The following NALCN variants were observed in gnomAD, a reference collection of about 807,000 sequenced individuals.
The protein encoded by NALCN is sodium leak channel NALCN.
Under a neutral mutation model 225.3 loss-of-function variants are expected in NALCN, and 111 were observed. The ratio of observed to expected loss-of-function variants is 0.49; its 90% CI spans 0.42 to 0.58. The LOEUF (loss-of-function observed/expected upper bound fraction) is 0.58, where lower values mean the gene tolerates loss of function less well. NALCN is among the 20% of genes least tolerant of loss of function. The pLI is 0.00. For missense variants in NALCN, 1,378 were observed against 2,202.4 expected, an observed-to-expected ratio of 0.63 and a Z score of 7.49; for synonymous variants, 764 against 769.0, an observed-to-expected ratio of 0.99 and a Z score of 0.11.
chr13:101,238,368 T>C (rs993040379), intron 11 of NALCN, among the ~76,000 whole-genome samples: 1 of 151,918 alleles, frequency 6.6e-6, no homozygotes, highest in Non-Finnish European at 1.5e-5. Context: ...TATCATTTAT[T>C]CCTTTATGCT....
intron 26 of NALCN, 34 bp downstream of exon 26, chr13:101,103,138 T>C (rs1209713355): frequency 1.9e-6 from 3 of 1,604,682 alleles, no homozygotes; most frequent in South Asian, 2.2e-5. Flanking sequence ...GGTGGACTAC[T>C]GTGAACTGGA....
intron 9 of NALCN, among the ~76,000 whole-genome samples, chr13:101,287,423 T>C (rs2043379584): frequency 6.6e-6 from 1 of 152,184 alleles, no homozygotes; most frequent in Non-Finnish European, 1.5e-5. Flanking sequence ...CTGAGCAACC[T>C]GGTTTTGAGT....
chr13:101,104,188 G>C lies in NALCN; in HGVS notation c.2889+107C>G. ...TAGAGTCCATTTAAGAATTCGGTTA[G>C]GGAATCTAAGCCTCTGTAACTCATA... On this transcript the variant is annotated intron_variant, in intron 25 of 43. Coordinates refer to ENST00000251127, the MANE Select transcript of NALCN (RefSeq NM_052867.4). The surrounding 1 kb of genome is among the most constrained non-coding windows in gnomAD (Gnocchi z 4.2). 1 of 1,351,096 alleles carries C rather than the reference G, an allele frequency of 7.4e-7. No homozygotes were observed. Among genetic ancestry groups the C allele is most frequent in the Non-Finnish European group, 1.0e-6 (1 of 998,236 alleles). The allele number at this position is 1,351,096 out of a possible 1,614,324, so 83.7% of individuals were successfully genotyped here.
chr13:101,391,722 C>T (rs1594776468), intron 3 of NALCN, among the ~76,000 whole-genome samples: 1 of 151,418 alleles, frequency 6.6e-6, no homozygotes, highest in South Asian at 2.1e-4. Flanking sequence ...CAGTGGCTCA[C>T]GCCTGTAATC....
intron 1 of NALCN, among the ~76,000 whole-genome samples, chr13:101,408,491 C>G (rs1032910487): frequency 6.6e-6 from 1 of 152,166 alleles, no homozygotes; most frequent in African/African-American, 2.4e-5. Flanking sequence ...ACTAAGACAG[C>G]ATCAAAAAAC....
At chr13:101,346,087 C>CTCTCTCTCTCTCTATATATATATA in intron 6 of NALCN, among the ~76,000 whole-genome samples, 134 of 70,902 alleles carry the variant, frequency 1.9e-3, no homozygotes, top group Middle Eastern at 7.5e-3. Context: ...CTCTCTCTCT[C>CTCTCTCTCTCTCTATATATATATA]TATATATATA....
chr13:101,153,443 G>C (rs769161018), intron 15 of NALCN, among the ~76,000 whole-genome samples: 2 of 152,104 alleles, frequency 1.3e-5, no homozygotes, highest in Non-Finnish European at 2.9e-5. Flanking sequence ...ATTTCTTCTC[G>C]TTTGCTATGT....
chr13:101,346,034 T>C (rs1302886691), intron 6 of NALCN, among the ~76,000 whole-genome samples: 1 of 142,592 alleles, frequency 7.0e-6, no homozygotes, highest in Non-Finnish European at 1.5e-5. Flanking sequence ...ATTGGTAATA[T>C]ATATATGAGA....
intron 10 of NALCN, among the ~76,000 whole-genome samples, chr13:101,275,250 T>C (rs903044492): frequency 6.6e-6 from 1 of 152,044 alleles, no homozygotes; most frequent in Non-Finnish European, 1.5e-5. Flanking sequence ...TTGGGTAATA[T>C]GCAAGGAGAG....
At chr13:101,330,051 A>G (rs1480042610) in intron 7 of NALCN, among the ~76,000 whole-genome samples, 3 of 149,610 alleles carry the variant, frequency 2.0e-5, no homozygotes, top group Admixed American at 6.7e-5. Context: ...AAAATTATAT[A>G]TAATATATAT....
chr13:101,080,698 A>G lies in NALCN; in HGVS notation c.3885+829T>C, dbSNP rs1052865579. Among the ~76,000 whole-genome samples, 17 of 147,066 alleles carry G rather than the reference A, an allele frequency of 1.2e-4. No individual in the cohort carries two copies. In the East Asian group the frequency reaches 3.3e-3, roughly 29 times the overall value. On this transcript the variant is annotated intron_variant, in intron 34 of 43. Transcript: ENST00000251127. Reference sequence around the variant, plus strand: ...TAAAAATATATACATACACATACACATAATGCATCTTTTAATTAATACATA... The same window carrying G: ...TAAAAATATATACATACACATACACGTAATGCATCTTTTAATTAATACATA...
intron 27 of NALCN, among the ~76,000 whole-genome samples, chr13:101,100,285 C>T (rs1379259945): frequency 6.6e-6 from 1 of 152,120 alleles, no homozygotes; most frequent in African/African-American, 2.4e-5. Flanking sequence ...ATCAAGTTAG[C>T]TAAGACCTCA....
At chr13:101,282,034 A>G (rs577145177) in intron 10 of NALCN, among the ~76,000 whole-genome samples, 1 of 152,206 alleles carries the variant, frequency 6.6e-6, no homozygotes, top group Non-Finnish European at 1.5e-5. Context: ...TAAAGAAAAG[A>G]TAACCCTTTT....
rs75389449 is a variant in NALCN, at chr13:101,265,570, A to G, written c.1135-6996T>C. 3.7e-3 allele frequency among the ~76,000 whole-genome samples: 568 copies of G among 152,328 alleles called. 4 individuals carry two copies. The highest frequency in any genetic ancestry group is 0.013 in the African/African-American group (550 of 41,590). On this transcript the variant is annotated intron_variant, in intron 10 of 43. Coordinates refer to ENST00000251127, the MANE Select transcript of NALCN (RefSeq NM_052867.4). ...TTCTCACGCAATTAAAATGGACACC[A>G]ACAGGATGGATTATTGAAATAAGAG... is the stretch of plus-strand genomic sequence containing the variant.
intron 14 of NALCN, among the ~76,000 whole-genome samples, chr13:101,183,307 A>G (rs1340631858): frequency 6.6e-6 from 1 of 152,214 alleles, no homozygotes; most frequent in Non-Finnish European, 1.5e-5. Flanking sequence ...TAATAAAGGA[A>G]TTTTACAGGG....
chr13:101,197,429 T>C (rs560252360), intron 13 of NALCN, among the ~76,000 whole-genome samples: 1 of 152,270 alleles, frequency 6.6e-6, no homozygotes, highest in East Asian at 1.9e-4. Flanking sequence ...TTTTCTCAGG[T>C]CATTTTATTC....
chr13:101,062,221 C>G (rs989273123), intron 40 of NALCN, 103 bp from the exon 41 acceptor site: 1 of 1,395,398 alleles, frequency 7.2e-7, no homozygotes. Context: ...TCTAATAAGT[C>G]TAGTGTTTTG....
At chr13:101,151,576 G>T (rs1170038719) in intron 15 of NALCN, among the ~76,000 whole-genome samples, 1 of 152,182 alleles carries the variant, frequency 6.6e-6, no homozygotes, top group African/African-American at 2.4e-5. Flanking sequence ...TCAATCAGAA[G>T]AAAGGAGTCC....
intron 15 of NALCN, among the ~76,000 whole-genome samples, chr13:101,149,434 G>T (rs553743299): frequency 2.0e-5 from 3 of 152,072 alleles, no homozygotes; most frequent in African/African-American, 7.2e-5. Flanking sequence ...GGTTTCACCC[G>T]CATTCTAATT....
Sources: gnomAD v4.1 joint callset for allele counts (sites outside exome capture counted in the v4.1 genomes callset) on GRCh38, gnomAD v4.1.1 for gene constraint, Gnocchi (gnomAD v3.1) non-coding constraint, MANE v1.5 for transcripts, NCBI Gene and HGNC (gene_info 2026-07-23, HGNC 2026-07-21) for gene names.